The following CREM variants were observed in gnomAD, a reference collection of about 807,000 sequenced individuals.
CREM encodes the protein cAMP responsive element modulator.
Under a neutral mutation model 37.3 loss-of-function variants are expected in CREM, and 13 were observed. That is an observed-to-expected ratio of 0.35 (90% CI 0.23 to 0.55). The LOEUF (loss-of-function observed/expected upper bound fraction) is 0.55, where lower values mean the gene tolerates loss of function less well. CREM is among the 20% of genes least tolerant of loss of function. CREM has a pLI of 0.88. For missense variants in CREM, 296 were observed against 362.3 expected (o/e 0.82, Z 1.49); for synonymous variants, 124 against 120.2 (o/e 1.03, Z -0.21).
Position 35,149,946 on chromosome 10 carries a change from T to TA in CREM, c.168+1463dup, listed in dbSNP as rs745664073. On this transcript the variant is annotated intron_variant, in intron 3 of 7. Transcript: ENST00000685392. ...CACACACACACACACACACCCTTGT[T>TA]AAAAAAAATGCATGTTCATTGTAGA... Among the ~76,000 whole-genome samples, 518 of 68,306 alleles carry TA rather than the reference T, an allele frequency of 7.6e-3. 4 individuals are homozygous for TA. Among genetic ancestry groups the TA allele is most frequent in the Middle Eastern group, 0.015 (2 of 132 alleles). 44.8% of individuals were successfully genotyped at this position (68,306 alleles called of 152,430 possible). A position where few individuals can be genotyped will look rare whatever the true frequency, so the allele number is the denominator to read the frequency against.
chr10:35,151,979 A>G (rs941155095), intron 3 of CREM, among the ~76,000 whole-genome samples: 4 of 152,242 alleles, frequency 2.6e-5, no homozygotes, highest in Non-Finnish European at 4.4e-5. Context: ...GCTGAACTCT[A>G]TTAACCCTAT....
Position 35,195,297 on chromosome 10 carries a change from T to C in CREM, c.598+6909T>C. 5 of 1,522,828 alleles carry C rather than the reference T, an allele frequency of 3.3e-6. No homozygotes were observed. In the East Asian group the frequency reaches 1.1e-4, roughly 35 times the overall value. 94.3% of individuals were successfully genotyped at this position (1,522,828 alleles called of 1,614,324 possible). On this transcript the variant is annotated intron_variant, in intron 6 of 7. Transcript: ENST00000685392. The stretch of plus-strand genomic sequence containing the variant: ...AAGTATTCAGGAACATCTGAGTGTT[T>C]CAGAAAGTGTTACTCTCCTAGTCAC...
intron 3 of CREM, among the ~76,000 whole-genome samples, chr10:35,154,837 T>C (rs561749369): frequency 2.6e-5 from 4 of 152,332 alleles, no homozygotes; most frequent in African/African-American, 9.6e-5. Flanking sequence ...GAGGCCATAA[T>C]AAAAAGTAAC....
At chr10:35,149,706 A>G (rs888144376) in intron 3 of CREM, among the ~76,000 whole-genome samples, 2 of 152,216 alleles carry the variant, frequency 1.3e-5, no homozygotes, top group Admixed American at 1.3e-4. Flanking sequence ...ATATTAGGCC[A>G]GACTGGTGTG....
At chr10:35,172,930 G>A (rs897506240) in intron 3 of CREM, among the ~76,000 whole-genome samples, 1 of 152,284 alleles carries the variant, frequency 6.6e-6, no homozygotes, top group Non-Finnish European at 1.5e-5. Context: ...GGTGTTTATT[G>A]TCACAAGCTT....
rs1353502413 is a variant in CREM at position 35,198,392 on chromosome 10, A to G, written c.599-8503A>G. Among the ~76,000 whole-genome samples, 4 of 151,956 alleles carry G rather than the reference A, an allele frequency of 2.6e-5. No homozygotes were observed. The East Asian group carries it at 7.7e-4, about 29-fold the overall frequency. ...ACAAAAATTAGCCAGGCGTGGTGGC[A>G]CGCGCCTGTAATCTCAGCTACTCGG... is the stretch of plus-strand genomic sequence containing the variant. On this transcript the variant is annotated intron_variant, in intron 6 of 7. Transcript: ENST00000685392.
At chr10:35,158,798 G>GTGT (rs2093078412) in intron 3 of CREM, among the ~76,000 whole-genome samples, 32 of 100,812 alleles carry the variant, frequency 3.2e-4, no homozygotes, top group African/African-American at 1.1e-3. Context: ...CAAATATAGT[G>GTGT]TTTTTTTTTT....
At chr10:35,146,946 G>T (rs2092176133) in intron 2 of CREM, among the ~76,000 whole-genome samples, 1 of 151,676 alleles carries the variant, frequency 6.6e-6, no homozygotes, top group African/African-American at 2.4e-5. Flanking sequence ...ATACTTTTTG[G>T]ATGTATAGTT....
chr10:35,191,928 C>T (rs1184726497), intron 6 of CREM, among the ~76,000 whole-genome samples: 6 of 137,222 alleles, frequency 4.4e-5, no homozygotes, highest in African/African-American at 1.6e-4. Context: ...CAGTGATTGA[C>T]CACTACTATC....
intron 3 of CREM, among the ~76,000 whole-genome samples, chr10:35,174,715 T>C (rs1356570848): frequency 6.6e-6 from 1 of 152,202 alleles, no homozygotes; most frequent in Non-Finnish European, 1.5e-5. Context: ...CTTAGTAAAA[T>C]GAGGCAAAGT....
Position 35,201,480 on chromosome 10 carries a change from A to G in CREM, c.599-5415A>G, listed in dbSNP as rs761517705. ...GGAAACTGAACTTGCCCCAAGTCAC[A>G]TGGCTGGTAAGTGGCAGAGCTGGAC... On this transcript the variant is annotated intron_variant, in intron 6 of 7. Coordinates refer to ENST00000685392, the MANE Select transcript of CREM (RefSeq NM_183011.2). 8.4e-6 allele frequency: 13 copies of G among 1,551,548 alleles called. No homozygotes were observed. In the South Asian group the frequency reaches 1.4e-4, roughly 17 times the overall value.
intron 1 of CREM, among the ~76,000 whole-genome samples, chr10:35,134,055 GTTTT>G (rs143726656): frequency 7.6e-6 from 1 of 131,540 alleles, no homozygotes; most frequent in African/African-American, 2.8e-5. Context: ...AAAGTTTTTT[GTTTT>G]TTTTTTTTTT....
intron 2 of CREM, among the ~76,000 whole-genome samples, chr10:35,145,222 T>C (rs2091935969): frequency 1.3e-5 from 2 of 150,464 alleles, no homozygotes; most frequent in African/African-American, 4.9e-5. Flanking sequence ...TTTCCAGCCC[T>C]ATTTGTACCA....
intron 3 of CREM, among the ~76,000 whole-genome samples, chr10:35,170,608 T>C: frequency 6.6e-6 from 1 of 152,224 alleles, no homozygotes; most frequent in Non-Finnish European, 1.5e-5. Context: ...GGAATTCAAC[T>C]TCTTCCTGGT....
intron 3 of CREM, among the ~76,000 whole-genome samples, chr10:35,172,574 T>A (rs996219882): frequency 0.26 from 166 of 638 alleles, 4 homozygotes; most frequent in East Asian, 0.51. Flanking sequence ...CACTTGCAGT[T>A]TTTTTTTTTT....
intron 1 of CREM, among the ~76,000 whole-genome samples, chr10:35,128,852 T>A (rs1341288109): frequency 1.3e-5 from 2 of 152,186 alleles, no homozygotes; most frequent in Non-Finnish European, 2.9e-5. Context: ...ATTCTTTTTT[T>A]GGATAAACTT....
At chr10:35,209,149 A>G (rs1013804068) in intron 7 of CREM, among the ~76,000 whole-genome samples, 9 of 152,180 alleles carry the variant, frequency 5.9e-5, no homozygotes, top group Admixed American at 3.9e-4. Flanking sequence ...AAAATACCCC[A>G]TGATAACCTG....
intron 2 of CREM, among the ~76,000 whole-genome samples, chr10:35,141,369 A>C (rs553206916): frequency 1.3e-5 from 2 of 152,330 alleles, no homozygotes; most frequent in East Asian, 3.9e-4. Context: ...AACTATTGGC[A>C]TGGATTGGAG....
chr10:35,186,675 TAATA>T (rs1403139909), intron 5 of CREM, among the ~76,000 whole-genome samples: 1 of 140,692 alleles, frequency 7.1e-6, no homozygotes, highest in Non-Finnish European at 1.5e-5. Context: ...TATATAATTA[TAATA>T]AATATATATT....
Sources: allele counts gnomAD v4.1 joint callset (sites outside exome capture counted in the v4.1 genomes callset), GRCh38; gene constraint gnomAD v4.1.1; transcripts MANE v1.5; gene names NCBI Gene and HGNC (gene_info 2026-07-23, HGNC 2026-07-21).